The following DSC1 variants were observed in gnomAD, a reference collection of about 807,000 sequenced individuals.
DSC1 encodes desmocollin 1.
DSC1 carries 79 observed loss-of-function variants against 98.8 expected under a neutral mutation model. The observed-to-expected ratio is 0.80, with a 90% CI of 0.67 to 0.96. DSC1 has a LOEUF of 0.96. Ranked by LOEUF, DSC1 falls within the 50% of genes least tolerant of loss-of-function variation. The pLI is 0.00. For synonymous variants in DSC1, 405 were observed against 372.1 expected (o/e 1.09, Z -1.02); for missense variants, 1,115 against 1,075.9 (o/e 1.04, Z -0.51).
At chr18:31,148,361 T>A in intron 6 of DSC1, 137 bp downstream of exon 6, 1 of 1,103,216 alleles carries the variant, frequency 9.1e-7, no homozygotes, top group Non-Finnish European at 1.2e-6. Flanking sequence ...CAATTCCTAA[T>A]GGGAAAAAAA....
chr18:31,150,798 G>C (rs1220768755), intron 5 of DSC1: 1 of 152,092 alleles, frequency 6.6e-6, no homozygotes, highest in Non-Finnish European at 1.5e-5. Flanking sequence ...ATCTCTATTA[G>C]ATTACAGTTG....
chr18:31,133,943 T>C lies in DSC1; in HGVS notation c.2064A>G (p.Ile688Met). The change falls in exon 13 of 16, where the codon ATA becomes ATG. Residue 688 changes from isoleucine (I) to methionine (M), a missense_variant. Physicochemically the swap from Ile to Met is conservative, Grantham distance 10 (BLOSUM62 1). Transcript: ENST00000257198. ...KSTRDVRPNV[I>M]LGRWAILAMV... is the part of the protein sequence containing the mutation. ...TAGCAAGAATAGCCCATCTTCCAAG[T>C]ATTACATTTGGTCTAACGTCTCTTG... is the stretch of plus-strand genomic sequence containing the variant. 1.2e-6 allele frequency: 2 copies of C among 1,613,394 alleles called. No individual in the cohort carries two copies. The highest frequency in any genetic ancestry group is 1.1e-5 in the South Asian group (1 of 91,046).
Position 31,134,674 on chromosome 18 carries a change from C to T in DSC1, c.1774G>A (p.Val592Ile), listed in dbSNP as rs1988570654. Residue 592 changes from valine (V) to isoleucine (I), a missense_variant, in exon 12 of 16, where the codon GTT (valine) becomes ATT (isoleucine). Val to Ile is a conservative substitution (Grantham distance 29, BLOSUM62 3). Transcript: ENST00000257198. ...TICQNNEDFA[V>I]LKPVDPDGPE... ...CCATCTGGATCTACAGGTTTCAGAA[C>T]AGCAAAATCCTCATTATTCTGACAA... 6.2e-7 allele frequency: 1 copy of T among 1,612,990 alleles called. No homozygotes were observed. Among genetic ancestry groups the T allele is most frequent in the Non-Finnish European group, 8.5e-7 (1 of 1,179,498 alleles).
At chr18:31,140,426 A>G in intron 9 of DSC1, 125 bp from the exon 10 acceptor site, 1 of 971,718 alleles carries the variant, frequency 1.0e-6, no homozygotes. Flanking sequence ...TAGGTCTAAT[A>G]CAGTTAAAGA....
intron 4 of DSC1, among the ~76,000 whole-genome samples, chr18:31,155,155 T>C (rs2577066): frequency 0.57 from 86,794 of 151,972 alleles, 25,014 homozygotes; most frequent in East Asian, 0.66. Context: ...AACTTTTTTG[T>C]CATTTGTATA....
At chr18:31,150,313 T>TACCATCACCACCACCACC (rs1988955412) in intron 5 of DSC1, among the ~76,000 whole-genome samples, 2 of 7,100 alleles carry the variant, frequency 2.8e-4, no homozygotes, top group Admixed American at 1.5e-3. Context: ...TCACCACCAC[T>TACCATCACCACCACCACC]ACTACCATCA....
At chr18:31,133,236 A>G (rs1277850248) in intron 13 of DSC1, among the ~76,000 whole-genome samples, 3 of 152,110 alleles carry the variant, frequency 2.0e-5, no homozygotes, top group Admixed American at 2.0e-4. Flanking sequence ...GAGAAAGAAA[A>G]AGAAAAGGAA....
intron 9 of DSC1, among the ~76,000 whole-genome samples, chr18:31,140,959 C>T (rs1405423224): frequency 2.6e-5 from 4 of 152,096 alleles, no homozygotes; most frequent in East Asian, 1.9e-4. Context: ...GAATAAGTCT[C>T]GCAGGAGCTG....
chr18:31,130,366 T>A lies in DSC1; in HGVS notation c.*148A>T. The A allele has an allele frequency of 1.3e-6, 1 of 777,184 alleles. No individual in the cohort carries two copies. The highest frequency in any genetic ancestry group is 3.6e-4 in the Middle Eastern group (1 of 2,768). The allele number at this position is 777,184 out of a possible 1,614,324, so 48.1% of individuals were successfully genotyped here. A position where few individuals can be genotyped will look rare whatever the true frequency, so the allele number is the denominator to read the frequency against. ...GAAGTTATACCAGACAAGGAGAATG[T>A]AGGGGAATCTCATATTTATAGTACC... On this transcript the variant is annotated 3_prime_UTR_variant, in exon 16 of 16. Coordinates refer to ENST00000257198, the MANE Select transcript of DSC1 (RefSeq NM_024421.2).
chr18:31,145,917 G>C, intron 6 of DSC1, 140 bp from the exon 7 acceptor site: 1 of 933,342 alleles, frequency 1.1e-6, no homozygotes, highest in South Asian at 1.8e-5. Context: ...TGACGAATGT[G>C]AAACTGTTCT....
chr18:31,141,886 C>A lies in DSC1; in HGVS notation c.1260+113G>T, dbSNP rs552216811. ...AAAGTTTATATAAACCAATATAAAT[C>A]ATTTGGCCTTGCACTGCAGTAGTCT... On this transcript the variant is annotated intron_variant, in intron 9 of 15. Coordinates refer to ENST00000257198, the MANE Select transcript of DSC1 (RefSeq NM_024421.2). 5 of 984,708 alleles carry A rather than the reference C, an allele frequency of 5.1e-6. No individual in the cohort carries two copies. The East Asian group carries it at 8.4e-5, about 17-fold the overall frequency. 61.0% of individuals were successfully genotyped at this position (984,708 alleles called of 1,614,324 possible). A position where few individuals can be genotyped will look rare whatever the true frequency, so the allele number is the denominator to read the frequency against.
At chr18:31,159,090 A>G (rs12957923) in intron 2 of DSC1, among the ~76,000 whole-genome samples, 5 of 65,924 alleles carry the variant, frequency 7.6e-5, no homozygotes, top group African/African-American at 2.8e-4. Context: ...TCTGTCGCCC[A>G]GGCCGGACTG....
intron 5 of DSC1, among the ~76,000 whole-genome samples, chr18:31,149,686 A>C (rs1475021915): frequency 6.6e-6 from 1 of 152,292 alleles, no homozygotes; most frequent in East Asian, 1.9e-4. Flanking sequence ...CAGACTCGTC[A>C]GTGATTTACC....
intron 3 of DSC1, 27 bp from the exon 4 acceptor site, chr18:31,156,189 G>T: frequency 6.3e-7 from 1 of 1,595,634 alleles, no homozygotes; most frequent in South Asian, 1.1e-5. Flanking sequence ...ACAAAGAAAT[G>T]TAGCATTGCT....
In DSC1 at chr18:31,162,754, C is replaced by T. The variant is rs1354582702; in HGVS notation, c.-160G>A. The T allele has an allele frequency of 1.6e-6, 1 of 613,344 alleles. No individual in the cohort carries two copies. Among genetic ancestry groups the T allele is most frequent in the African/African-American group, 1.9e-5 (1 of 53,788 alleles). 38.0% of individuals were successfully genotyped at this position (613,344 alleles called of 1,614,324 possible). On this transcript the variant is annotated 5_prime_UTR_variant, in exon 1 of 16. Transcript: ENST00000257198. ...AGACAGTCCGGAGGCAAGTGATAAA[C>T]AGTAGGAGGAGCAACGGGAGAATTT...
intron 3 of DSC1, among the ~76,000 whole-genome samples, chr18:31,156,616 G>A (rs997243542): frequency 6.6e-6 from 1 of 152,130 alleles, no homozygotes; most frequent in Admixed American, 6.5e-5. Context: ...TTACAATGTG[G>A]ATATAAAATA....
intron 11 of DSC1, among the ~76,000 whole-genome samples, chr18:31,139,055 A>G (rs1988673537): frequency 6.6e-6 from 1 of 151,986 alleles, no homozygotes; most frequent in Non-Finnish European, 1.5e-5. Context: ...GTATATAAAA[A>G]TACATATGAT....
intron 12 of DSC1, 25 bp from the exon 13 acceptor site, chr18:31,134,155 A>G: frequency 6.3e-7 from 1 of 1,596,060 alleles, no homozygotes; most frequent in Non-Finnish European, 8.5e-7. Flanking sequence ...GACAGAATAT[A>G]TATGGATTGG....
rs150349980 is a variant in DSC1 at position 31,140,068 on chromosome 18, C to T, written c.1494G>A (p.Pro498=). ...TTAAGCCTTCACCACTGGATATTTCCGGGTCCAGTGCTTTGTATCCAAGGA... is the reference window on the plus strand; with the variant it reads ...TTAAGCCTTCACCACTGGATATTTCTGGGTCCAGTGCTTTGTATCCAAGGA... ...QELLGYKALD[P]EISSGEGLRY... The change falls in exon 10 of 16, where the codon CCG becomes CCA. Residue 498 remains proline (P), a synonymous_variant. Transcript: ENST00000257198. 9.6e-5 allele frequency: 155 copies of T among 1,613,844 alleles called. No homozygotes were observed. The African/African-American group carries it at 1.7e-3, about 17-fold the overall frequency.
Sources: allele counts gnomAD v4.1 joint callset (sites outside exome capture counted in the v4.1 genomes callset), GRCh38; gene constraint gnomAD v4.1.1; transcripts MANE v1.5; gene names NCBI Gene and HGNC (gene_info 2026-07-23, HGNC 2026-07-21).